The following DSCAM variants were observed in gnomAD, a reference collection of about 807,000 sequenced individuals.
The protein encoded by DSCAM is cell adhesion molecule DSCAM.
A neutral mutation model predicts 217.7 loss-of-function variants in DSCAM; 47 were observed. That is an observed-to-expected ratio of 0.22 (90% CI 0.17 to 0.28). The LOEUF (loss-of-function observed/expected upper bound fraction) is 0.28, where lower values mean the gene tolerates loss of function less well. Ranked by LOEUF, DSCAM falls within the 10% of genes least tolerant of loss-of-function variation. The pLI is 1.00. For synonymous variants in DSCAM, 1,056 were observed against 1,015.3 expected (o/e 1.04, Z -0.76); for missense variants, 2,080 against 2,618.3 (o/e 0.79, Z 4.49).
intron 3 of DSCAM, among the ~76,000 whole-genome samples, chr21:40,486,590 C>T (rs1328023976): frequency 6.6e-6 from 1 of 151,962 alleles, no homozygotes; most frequent in Non-Finnish European, 1.5e-5. Context: ...GGGGTTGTAG[C>T]ATAAAAGGGC....
At chr21:40,753,639 G>T (rs1023650998) in intron 1 of DSCAM, among the ~76,000 whole-genome samples, 2 of 152,108 alleles carry the variant, frequency 1.3e-5, no homozygotes, top group Admixed American at 1.3e-4. Flanking sequence ...TCAAACTAAT[G>T]GTAGTAATTG....
chr21:40,604,305 T>G (rs1442134556), intron 3 of DSCAM, among the ~76,000 whole-genome samples: 3 of 152,190 alleles, frequency 2.0e-5, no homozygotes, highest in East Asian at 3.9e-4. Context: ...GAGTTTCCAT[T>G]TCTGTGCTGA....
intron 3 of DSCAM, among the ~76,000 whole-genome samples, chr21:40,583,759 C>G (rs902517570): frequency 1.3e-5 from 2 of 152,024 alleles, no homozygotes; most frequent in Non-Finnish European, 2.9e-5. Context: ...AAGGCAGGTT[C>G]ATTGATAACA....
chr21:40,577,462 C>CG (rs1216174820), intron 3 of DSCAM, among the ~76,000 whole-genome samples: 1 of 152,028 alleles, frequency 6.6e-6, no homozygotes, highest in Admixed American at 6.6e-5. Flanking sequence ...TGGCGCCCCC[C>CG]TCCGAGCCGG....
rs375376162 is a variant in DSCAM at position 40,500,465 on chromosome 21, C to T, written c.509-131220G>A. ...AGAGAGATTAAGTGACCAGCAAGACCTCACTATTGAATGTCAACTTAACTA... is the reference window on the plus strand; with the variant it reads ...AGAGAGATTAAGTGACCAGCAAGACTTCACTATTGAATGTCAACTTAACTA... On this transcript the variant is annotated intron_variant, in intron 3 of 32. Transcript: ENST00000400454. Among the ~76,000 whole-genome samples, 7 of 152,134 alleles carry T rather than the reference C, an allele frequency of 4.6e-5. No individual in the cohort carries two copies. The East Asian group carries it at 9.6e-4, about 21-fold the overall frequency.
intron 22 of DSCAM, among the ~76,000 whole-genome samples, chr21:40,086,561 A>AT (rs1417177927): frequency 2.6e-5 from 4 of 152,212 alleles, no homozygotes; most frequent in African/African-American, 9.6e-5. Flanking sequence ...TCATAAATGA[A>AT]TTTTCGACCC....
chr21:40,819,497 T>C (rs761340077), intron 1 of DSCAM, among the ~76,000 whole-genome samples: 1 of 152,214 alleles, frequency 6.6e-6, no homozygotes. Context: ...ATACTTAGCA[T>C]TCACTGAGCC....
intron 10 of DSCAM, among the ~76,000 whole-genome samples, chr21:40,281,795 T>C (rs1279869366): frequency 3.3e-5 from 5 of 152,234 alleles, no homozygotes; most frequent in Admixed American, 6.5e-5. Context: ...ATTTGTTCTT[T>C]AGTAAACAGC....
intron 11 of DSCAM, among the ~76,000 whole-genome samples, chr21:40,240,371 T>TTTTTTTTTTC (rs2073135712): frequency 1.4e-5 from 2 of 143,960 alleles, no homozygotes; most frequent in Non-Finnish European, 3.0e-5. Flanking sequence ...TTTTTTTTTT[T>TTTTTTTTTTC]TTGCCTCCTT....
intron 1 of DSCAM, among the ~76,000 whole-genome samples, chr21:40,800,508 G>T (rs578051841): frequency 4.6e-5 from 7 of 152,140 alleles, no homozygotes; most frequent in Admixed American, 2.6e-4. Flanking sequence ...ATAGAGATAT[G>T]GCCAGTAAAG....
chr21:40,599,318 T>C (rs983040153), intron 3 of DSCAM, among the ~76,000 whole-genome samples: 2 of 152,302 alleles, frequency 1.3e-5, no homozygotes, highest in Admixed American at 1.3e-4. Flanking sequence ...ACCTGTCATC[T>C]AGGTTTTAAG....
chr21:40,709,347 ATTT>A (rs2090752295), intron 1 of DSCAM, among the ~76,000 whole-genome samples: 1 of 152,112 alleles, frequency 6.6e-6, no homozygotes, highest in Admixed American at 6.5e-5. Context: ...AAAACATTTT[ATTT>A]TTTATTATAC....
chr21:40,298,125 T>C (rs7282179), intron 9 of DSCAM, among the ~76,000 whole-genome samples: 24,426 of 148,960 alleles, frequency 0.16, 3,641 homozygotes, highest in African/African-American at 0.39. Context: ...CTCTGTTGCC[T>C]AGGTGGAGTG....
At chr21:40,373,287 G>C (rs771133714) in intron 3 of DSCAM, among the ~76,000 whole-genome samples, 38 of 152,182 alleles carry the variant, frequency 2.5e-4, no homozygotes, top group Non-Finnish European at 5.3e-4. Context: ...GTTGATTCTA[G>C]AAACCAGCAG....
chr21:40,561,372 T>C (rs1390925106), intron 3 of DSCAM, among the ~76,000 whole-genome samples: 1 of 152,236 alleles, frequency 6.6e-6, no homozygotes, highest in Non-Finnish European at 1.5e-5. Flanking sequence ...TAGATTCCTG[T>C]GTGTATGCTG....
chr21:40,756,217 C>T (rs11909359), intron 1 of DSCAM, among the ~76,000 whole-genome samples: 60,781 of 151,884 alleles, frequency 0.4, 13,817 homozygotes, highest in African/African-American at 0.63. Context: ...TGGCACCTCC[C>T]CCCTCTCTTC....
intron 27 of DSCAM, among the ~76,000 whole-genome samples, chr21:40,068,198 G>T (rs1002072279): frequency 1.3e-5 from 2 of 152,106 alleles, no homozygotes; most frequent in African/African-American, 2.4e-5. Context: ...TGCAAAGAGG[G>T]CTAAAAAATG....
intron 9 of DSCAM, among the ~76,000 whole-genome samples, chr21:40,304,093 G>A (rs1303955724): frequency 6.6e-6 from 1 of 152,202 alleles, no homozygotes; most frequent in African/African-American, 2.4e-5. Flanking sequence ...ACTGTCATAA[G>A]AGCTATGAGA....
chr21:40,520,637 T>A (rs11911349), intron 3 of DSCAM, among the ~76,000 whole-genome samples: 38,869 of 151,392 alleles, frequency 0.26, 5,929 homozygotes, highest in African/African-American at 0.41. Flanking sequence ...TGAAACCCCA[T>A]CTCTATTAAA....
Sources: allele counts gnomAD v4.1 joint callset (sites outside exome capture counted in the v4.1 genomes callset), GRCh38; gene constraint gnomAD v4.1.1; transcripts MANE v1.5; gene names NCBI Gene and HGNC (gene_info 2026-07-23, HGNC 2026-07-21).